The following EYS variants were observed in gnomAD, a reference collection of about 807,000 sequenced individuals.
EYS encodes EGF-like photoreceptor maintenance factor, also known as protein eyes shut homolog.
In EYS, 250 loss-of-function variants were observed where a neutral mutation model predicts 282.1. The ratio of observed to expected loss-of-function variants is 0.89; its 90% confidence interval spans 0.80 to 0.98. EYS has a LOEUF of 0.98. Among genes scored for constraint, EYS ranks in the 50% least tolerant of loss-of-function variants. The pLI is 0.00. For synonymous variants in EYS, 1,355 were observed against 1,282.9 expected, an observed-to-expected ratio of 1.06 and a Z score of -1.20; for missense variants, 4,016 against 3,709.0, an observed-to-expected ratio of 1.08 and a Z score of -2.15.
At chr6:63,766,311 C>A (rs1426376818) in intron 40 of EYS, among the ~76,000 whole-genome samples, 2 of 152,024 alleles carry the variant, frequency 1.3e-5, no homozygotes, top group Admixed American at 1.3e-4. Context: ...CTGACCCCGG[C>A]ACTCTAGACC....
intron 29 of EYS, among the ~76,000 whole-genome samples, chr6:64,320,747 T>G (rs1299638715): frequency 6.6e-6 from 1 of 151,862 alleles, no homozygotes; most frequent in East Asian, 1.9e-4. Flanking sequence ...TAATCATGTT[T>G]ATTGAATTTT....
chr6:64,201,229 T>G (rs1246368105), intron 31 of EYS, among the ~76,000 whole-genome samples: 1 of 152,172 alleles, frequency 6.6e-6, no homozygotes, highest in Non-Finnish European at 1.5e-5. Context: ...TCATTTTTTT[T>G]GTTTCCTTGC....
At chr6:64,904,337 T>C (rs1767760117) in intron 16 of EYS, among the ~76,000 whole-genome samples, 1 of 152,228 alleles carries the variant, frequency 6.6e-6, no homozygotes, top group Non-Finnish European at 1.5e-5. Flanking sequence ...AGGTGTTGTA[T>C]CCTCAGCTTT....
chr6:64,666,598 A>T (rs779159329), intron 22 of EYS, among the ~76,000 whole-genome samples: 12 of 152,192 alleles, frequency 7.9e-5, no homozygotes, highest in Non-Finnish European at 1.3e-4. Context: ...CTTTTCATTA[A>T]ATTATTGCTA....
At chr6:64,454,611 A>T (rs1775495457) in intron 26 of EYS, among the ~76,000 whole-genome samples, 4 of 152,112 alleles carry the variant, frequency 2.6e-5, no homozygotes, top group African/African-American at 9.7e-5. Flanking sequence ...GCCAACCAAA[A>T]ATACAACATG....
chr6:65,189,382 T>C lies in EYS; in HGVS notation c.2023+106481A>G, dbSNP rs376399879. On this transcript the variant is annotated intron_variant, in intron 12 of 42. Coordinates refer to ENST00000503581, the MANE Select transcript of EYS (RefSeq NM_001142800.2). ...TTCATGCTTACGTGTCATATCCTCC[T>C]GTACTCTATAAAAGAAATAAGAGCA... Among the ~76,000 whole-genome samples the C allele has an allele frequency of 3.4e-4, 52 of 151,840 alleles. No individual in the cohort carries two copies. In the South Asian group the frequency reaches 9.3e-3, roughly 27 times the overall value.
intron 26 of EYS, among the ~76,000 whole-genome samples, chr6:64,567,517 G>A (rs1211898365): frequency 6.6e-6 from 1 of 152,132 alleles, no homozygotes; most frequent in African/African-American, 2.4e-5. Context: ...CCAGTGAAAG[G>A]AGAGTTAAAT....
chr6:64,874,810 A>G (rs1379128306), intron 19 of EYS, among the ~76,000 whole-genome samples: 1 of 152,070 alleles, frequency 6.6e-6, no homozygotes, highest in Non-Finnish European at 1.5e-5. Context: ...TCTTAGGAGC[A>G]CTGACTTCTT....
At chr6:64,075,869 G>A (rs981555010) in intron 32 of EYS, among the ~76,000 whole-genome samples, 3 of 152,004 alleles carry the variant, frequency 2.0e-5, no homozygotes, top group Non-Finnish European at 2.9e-5. Context: ...TATTTTAGGC[G>A]AAGTTTAATG....
chr6:64,835,396 G>A (rs1765352703), intron 19 of EYS, among the ~76,000 whole-genome samples: 1 of 151,622 alleles, frequency 6.6e-6, no homozygotes, highest in Admixed American at 6.6e-5. Flanking sequence ...TGTGGTGTGT[G>A]TCTGCATATG....
chr6:65,428,116 C>T (rs1767733751), intron 5 of EYS, among the ~76,000 whole-genome samples: 1 of 151,902 alleles, frequency 6.6e-6, no homozygotes, highest in Non-Finnish European at 1.5e-5. Flanking sequence ...GTACAATGGC[C>T]TCTTTTATAC....
At chr6:64,344,514 A>C (rs1230198653) in intron 29 of EYS, among the ~76,000 whole-genome samples, 9 of 152,108 alleles carry the variant, frequency 5.9e-5, no homozygotes, top group Non-Finnish European at 1.3e-4. Flanking sequence ...ACAACTCTTC[A>C]TGCTAAAAAC....
At chr6:65,171,701 C>T (rs1366694602) in intron 12 of EYS, among the ~76,000 whole-genome samples, 1 of 151,348 alleles carries the variant, frequency 6.6e-6, no homozygotes, top group Non-Finnish European at 1.5e-5. Context: ...GATCATTTGA[C>T]CTCATTTTTA....
intron 22 of EYS, among the ~76,000 whole-genome samples, chr6:64,641,919 C>G (rs371374130): frequency 1.8e-4 from 27 of 152,306 alleles, no homozygotes; most frequent in Middle Eastern, 3.4e-3. Flanking sequence ...CCCCACACAA[C>G]TACTCCTTCC....
intron 23 of EYS, among the ~76,000 whole-genome samples, chr6:64,620,807 G>T (rs1160777982): frequency 6.6e-6 from 1 of 151,940 alleles, no homozygotes; most frequent in Non-Finnish European, 1.5e-5. Flanking sequence ...AAAATAGTTT[G>T]GTAACTGAAA....
At chr6:64,415,667 C>A (rs1358844992) in intron 28 of EYS, among the ~76,000 whole-genome samples, 2 of 152,128 alleles carry the variant, frequency 1.3e-5, no homozygotes, top group African/African-American at 4.8e-5. Flanking sequence ...TTTTAAGCTG[C>A]AAAGTGTGGG....
intron 26 of EYS, among the ~76,000 whole-genome samples, chr6:64,440,657 T>C (rs954793136): frequency 6.6e-6 from 1 of 152,132 alleles, no homozygotes; most frequent in Non-Finnish European, 1.5e-5. Context: ...TACAATAACA[T>C]TTTAAACAAC....
Position 64,746,488 on chromosome 6 carries a change from C to T in EYS, c.3443+66890G>A, listed in dbSNP as rs375597006. On this transcript the variant is annotated intron_variant, in intron 22 of 42. Transcript: ENST00000503581. ...AAAAAAATAACGCATCTGTGGTAGTCGGTTACAGCGTCATAAATAGACTAA... is the reference window on the plus strand; with the variant it reads ...AAAAAAATAACGCATCTGTGGTAGTTGGTTACAGCGTCATAAATAGACTAA... 1.1e-4 allele frequency among the ~76,000 whole-genome samples: 17 copies of T among 152,098 alleles called. No individual in the cohort carries two copies. The East Asian group carries it at 1.9e-3, about 17-fold the overall frequency.
At chr6:65,340,537 A>C (rs531818359) in intron 10 of EYS, among the ~76,000 whole-genome samples, 23 of 151,290 alleles carry the variant, frequency 1.5e-4, no homozygotes, top group South Asian at 8.3e-4. Context: ...AACTAAAATA[A>C]GTTATTTACA....
Sources: gnomAD v4.1 joint callset for allele counts (sites outside exome capture counted in the v4.1 genomes callset) on GRCh38, gnomAD v4.1.1 for gene constraint, MANE v1.5 for transcripts, NCBI Gene and HGNC (gene_info 2026-07-23, HGNC 2026-07-21) for gene names.